The following ODAD3 variants were observed in gnomAD, a reference collection of about 807,000 sequenced individuals.
ODAD3 encodes outer dynein arm-docking complex subunit 3.
A neutral mutation model predicts 70.9 loss-of-function variants in ODAD3; 57 were observed. The observed-to-expected ratio is 0.80, with a 90% CI of 0.65 to 1.00. The LOEUF is 1.00. Ranked by LOEUF, ODAD3 falls within the 50% of genes least tolerant of loss-of-function variation. The pLI, the probability that ODAD3 is intolerant of heterozygous loss-of-function variation, is 0.00. For synonymous variants in ODAD3, 327 were observed against 315.9 expected (o/e 1.04, Z -0.37); for missense variants, 797 against 763.9 (o/e 1.04, Z -0.51).
At chr19:11,425,197 G>A (rs1258380172) in intron 7 of ODAD3, among the ~76,000 whole-genome samples, 2 of 131,056 alleles carry the variant, frequency 1.5e-5, no homozygotes, top group East Asian at 2.3e-4. Context: ...ATATACATAT[G>A]TGTATGTGTA....
In ODAD3 at chr19:11,426,509, TTTG is replaced by T; in HGVS notation, c.774_776del (p.Lys259del). ...CCACGTGCAGTGCCTCCAGCTCATG[TTTG>T]GTCCTCACCACCTCAGCCTCCATGG... On this transcript the variant is annotated inframe_deletion, in exon 6 of 13. Transcript: ENST00000356392. The T allele has an allele frequency of 1.2e-6, 2 of 1,613,920 alleles. No individual in the cohort carries two copies. The highest frequency in any genetic ancestry group is 1.7e-6 in the Non-Finnish European group (2 of 1,179,956).
chr19:11,425,312 CATATGTGT>C (rs1212725842), intron 7 of ODAD3, among the ~76,000 whole-genome samples: 7 of 99,594 alleles, frequency 7.0e-5, no homozygotes, highest in African/African-American at 3.5e-4. Flanking sequence ...TGTATGTGTA[CATATGTGT>C]ATATGTACAT....
intron 7 of ODAD3, among the ~76,000 whole-genome samples, chr19:11,425,082 T>C (rs1034166489): frequency 5.1e-5 from 7 of 136,436 alleles, no homozygotes; most frequent in Non-Finnish European, 1.1e-4. Context: ...TATATGTGTA[T>C]ATGTACATAT....
chr19:11,435,260 GA>G (rs1969648811), upstream of ODAD3: 1 of 1,313,260 alleles, frequency 7.6e-7, no homozygotes. Flanking sequence ...AGGCTGCATA[GA>G]GGGGCGGTCC....
intron 7 of ODAD3, among the ~76,000 whole-genome samples, chr19:11,425,664 T>TCGC (rs1969351541): frequency 7.6e-6 from 1 of 131,562 alleles, no homozygotes; most frequent in African/African-American, 3.8e-5. Context: ...TATATATATA[T>TCGC]ATATATGCAA....
chr19:11,431,000 A>G lies in ODAD3; in HGVS notation c.265T>C (p.Phe89Leu). 6.2e-7 allele frequency: 1 copy of G among 1,614,152 alleles called. No individual in the cohort carries two copies. The highest frequency in any genetic ancestry group is 1.7e-5 in the Admixed American group (1 of 60,010). The stretch of plus-strand genomic sequence containing the variant: ...TTGATGTTCCACTGAGAGCTCTCAA[A>G]AAAAGCCTTCCGGTCACCCTCTGGC... Reference protein sequence around the residue: ...QLLEGDRKAFFESSQWNIKKN... With the variant: ...QLLEGDRKAFLESSQWNIKKN... The change falls in exon 2 of 13, where the codon TTT (phenylalanine) becomes CTT (leucine). Residue 89 changes from phenylalanine (F) to leucine (L), a missense_variant. Transcript: ENST00000356392.
chr19:11,426,440 T>C lies in ODAD3; in HGVS notation c.840+6A>G, dbSNP rs899767285. ...GCAGGATGGCCGAGGGCAAGAGGGG[T>C]GGCACCTTGGCAATGTCCCGGGCAT... On this transcript the variant is annotated splice_donor_region_variant and intron_variant, in intron 6 of 12. Transcript: ENST00000356392. 21 of 1,613,750 alleles carry C rather than the reference T, an allele frequency of 1.3e-5. No homozygotes were observed. Among genetic ancestry groups the C allele is most frequent in the Non-Finnish European group, 1.7e-5 (20 of 1,179,914 alleles).
At chr19:11,423,247 G>A (rs931051316) in intron 8 of ODAD3, among the ~76,000 whole-genome samples, 3 of 152,186 alleles carry the variant, frequency 2.0e-5, no homozygotes, top group East Asian at 1.9e-4. Context: ...ATCTGGAAAG[G>A]GGCTGCGCCT....
rs746455098 is a variant in ODAD3 at position 11,434,754 on chromosome 19, C to T, written c.244+19G>A. 8.1e-6 allele frequency: 13 copies of T among 1,598,408 alleles called. No individual in the cohort carries two copies. Among genetic ancestry groups the T allele is most frequent in the African/African-American group, 6.7e-5 (5 of 74,638 alleles). On this transcript the variant is annotated intron_variant, in intron 1 of 12. Coordinates refer to ENST00000356392, the MANE Select transcript of ODAD3 (RefSeq NM_145045.5). Reference sequence around the variant, plus strand: ...CACTGTTGACCCCTGACCCTCTGTACCCTCTGGAGCCATCTTACCTAACAG... The same window carrying T: ...CACTGTTGACCCCTGACCCTCTGTATCCTCTGGAGCCATCTTACCTAACAG...
intron 3 of ODAD3, 26 bp from the exon 4 acceptor site, chr19:11,427,066 A>G (rs1449620329): frequency 1.3e-6 from 2 of 1,544,348 alleles, no homozygotes; most frequent in Admixed American, 1.9e-5. Flanking sequence ...GAGCGAAAGC[A>G]GGAGCCTCAA....
intron 7 of ODAD3, among the ~76,000 whole-genome samples, chr19:11,425,362 C>CATGTGT (rs1555722467): frequency 9.8e-6 from 1 of 102,264 alleles, no homozygotes; most frequent in East Asian, 3.0e-4. Context: ...TGTATATGTA[C>CATGTGT]ATATGTGTAT....
intron 11 of ODAD3, 140 bp from the exon 12 acceptor site, chr19:11,421,352 TAAGC>T (rs1415275325): frequency 1.3e-6 from 1 of 797,326 alleles, no homozygotes; most frequent in African/African-American, 1.7e-5. Context: ...CATCCCTCCT[TAAGC>T]AGGCACCTTG....
chr19:11,425,537 GTGTATGTA>G (rs1194497117), intron 7 of ODAD3, among the ~76,000 whole-genome samples: 2 of 138,924 alleles, frequency 1.4e-5, no homozygotes, highest in African/African-American at 2.9e-5. Context: ...GTATATATGT[GTGTATGTA>G]TGTATATATG....
Position 11,434,809 on chromosome 19 carries a change from G to C in ODAD3, c.208C>G (p.Gln70Glu), listed in dbSNP as rs892807467. ...ATCTTTTTATGTAACTCAGCCACCT[G>C]AGAGTGCACAGAGGGCTTCCCTGCA... The part of the protein sequence containing the change: ...RGAGKPSVHS[Q>E]VAELHKKIQL... Residue 70 changes from glutamine (Q) to glutamate (E), a missense_variant, in exon 1 of 13, where the codon CAG becomes GAG. Transcript: ENST00000356392. The C allele has an allele frequency of 6.2e-7, 1 of 1,613,874 alleles. No homozygotes were observed. Among genetic ancestry groups the C allele is most frequent in the African/African-American group, 1.3e-5 (1 of 74,920 alleles).
At chr19:11,435,573 A>G, upstream of ODAD3, 1 of 794,234 alleles carries the variant, frequency 1.3e-6, no homozygotes, top group South Asian at 1.5e-5. Flanking sequence ...GGCGACCCTG[A>G]GTCTCCGTTC....
Position 11,427,488 on chromosome 19 carries a change from T to G in ODAD3, c.445-448A>C, listed in dbSNP as rs1364873386. Among the ~76,000 whole-genome samples the G allele has an allele frequency of 4.7e-5, 7 of 148,312 alleles. No individual in the cohort carries two copies. The East Asian group carries it at 1.4e-3, about 29-fold the overall frequency. On this transcript the variant is annotated intron_variant, in intron 3 of 12. Transcript: ENST00000356392. ...TTTTGTTTTTGTTTTCTTTTCTTTT[T>G]TTTTTTTTTTTGAAACGGAGTCTCG...
At chr19:11,426,352 G>A in intron 6 of ODAD3, 86 bp from the exon 7 acceptor site, 1 of 1,607,204 alleles carries the variant, frequency 6.2e-7, no homozygotes, top group Non-Finnish European at 8.5e-7. Flanking sequence ...GGGGGCGGGG[G>A]CGTAGGGGAA....
In ODAD3 at chr19:11,422,342, A is replaced by T; in HGVS notation, c.1434+129T>A. The T allele has an allele frequency of 8.5e-7, 1 of 1,183,296 alleles. No homozygotes were observed. Among genetic ancestry groups the T allele is most frequent in the Non-Finnish European group, 1.1e-6 (1 of 873,356 alleles). The allele number at this position is 1,183,296 out of a possible 1,614,324, so 73.3% of individuals were successfully genotyped here. On this transcript the variant is annotated intron_variant, in intron 10 of 12. Coordinates refer to ENST00000356392, the MANE Select transcript of ODAD3 (RefSeq NM_145045.5). This position sits in a 1 kb window ranked among gnomAD's most constrained non-coding sequence, Gnocchi z 4.6. ...GCTTCCCCTGTGGGCGGGGCCTCTG[A>T]CGTCCGGGACAGAGGATGTGGCAGG... is the stretch of plus-strand genomic sequence containing the variant.
Position 11,434,985 on chromosome 19 carries a change from G to C in ODAD3, c.32C>G (p.Ala11Gly). Residue 11 changes from alanine (A) to glycine (G), a missense_variant, in exon 1 of 13, where the codon GCC becomes GGC. Transcript: ENST00000356392. MTSPLCRAASANALPPQDQAS... is the reference protein window; with the variant it reads MTSPLCRAASGNALPPQDQAS... ...CTGGTCCTGAGGAGGCAGGGCGTTGGCGGAGGCCGCCCTGCACAGAGGAGA... is the reference window on the plus strand; with the variant it reads ...CTGGTCCTGAGGAGGCAGGGCGTTGCCGGAGGCCGCCCTGCACAGAGGAGA... The C allele has an allele frequency of 1.2e-6, 2 of 1,612,958 alleles. No homozygotes were observed. The highest frequency in any genetic ancestry group is 2.2e-5 in the South Asian group (2 of 91,084).
Sources: allele counts gnomAD v4.1 joint callset (sites outside exome capture counted in the v4.1 genomes callset), GRCh38; gene constraint gnomAD v4.1.1; non-coding constraint Gnocchi (gnomAD v3.1); transcripts MANE v1.5; gene names NCBI Gene and HGNC (gene_info 2026-07-23, HGNC 2026-07-21).